Variants in SLC6A11 observed in about 807,000 individuals in gnomAD.
The protein encoded by SLC6A11 is solute carrier family 6 member 11, also known as sodium- and chloride-dependent GABA transporter 3.
SLC6A11 carries 25 observed loss-of-function variants against 74.8 expected under a neutral mutation model. The observed-to-expected ratio is 0.33, with a 90% CI of 0.24 to 0.47. The LOEUF (loss-of-function observed/expected upper bound fraction) is 0.47. SLC6A11 is among the 20% of genes least tolerant of loss of function. SLC6A11 has a pLI of 1.00. For missense variants in SLC6A11, 574 were observed against 837.0 expected, an observed-to-expected ratio of 0.69 and a Z score of 3.88; for synonymous variants, 330 against 330.2, an observed-to-expected ratio of 1.00 and a Z score of 0.01.
At chr3:10,894,811 A>G (rs1294644555) in intron 6 of SLC6A11, among the ~76,000 whole-genome samples, 3 of 152,252 alleles carry the variant, frequency 2.0e-5, no homozygotes, top group Admixed American at 2.0e-4. Context: ...CTTGCCACAA[A>G]AAAACCAAGG....
At chr3:10,872,115 G>C (rs147717993) in intron 5 of SLC6A11, among the ~76,000 whole-genome samples, 2,046 of 152,304 alleles carry the variant, frequency 0.013, 35 homozygotes, top group African/African-American at 0.047. Flanking sequence ...TGTCGTGAGG[G>C]TTGCAGATTG....
chr3:10,911,956 T>A (rs1695393445), intron 6 of SLC6A11, 134 bp from the exon 7 acceptor site: 2 of 693,608 alleles, frequency 2.9e-6, no homozygotes, highest in Admixed American at 4.2e-5. Flanking sequence ...CCTGGGTAGG[T>A]TAGGAAGTTT....
intron 5 of SLC6A11, among the ~76,000 whole-genome samples, chr3:10,857,782 G>T (rs190617992): frequency 6.6e-6 from 1 of 152,124 alleles, no homozygotes; most frequent in Non-Finnish European, 1.5e-5. Flanking sequence ...ACCCTGAAAC[G>T]CAACTCATAA....
intron 5 of SLC6A11, among the ~76,000 whole-genome samples, chr3:10,872,074 A>C (rs1694834475): frequency 1.3e-5 from 2 of 152,162 alleles, no homozygotes; most frequent in Non-Finnish European, 2.9e-5. Context: ...CTCATCTCTA[A>C]AATGGAAAAA....
chr3:10,857,923 C>T (rs946686505), intron 5 of SLC6A11, among the ~76,000 whole-genome samples: 2 of 152,142 alleles, frequency 1.3e-5, no homozygotes, highest in Non-Finnish European at 2.9e-5. Context: ...CTCGAGCACA[C>T]AAGAAAACAT....
At chr3:10,874,409 G>A (rs1294005868) in intron 5 of SLC6A11, among the ~76,000 whole-genome samples, 4 of 152,186 alleles carry the variant, frequency 2.6e-5, no homozygotes, top group African/African-American at 9.7e-5. Context: ...GACAGGCCGT[G>A]TTAGGGGTTA....
chr3:10,875,820 C>T (rs543694159), intron 6 of SLC6A11, among the ~76,000 whole-genome samples: 1 of 152,300 alleles, frequency 6.6e-6, no homozygotes, highest in Admixed American at 6.5e-5. Flanking sequence ...TGGTGGTTCT[C>T]AACCTCAGCT....
chr3:10,904,505 A>C (rs1695278993), intron 6 of SLC6A11, among the ~76,000 whole-genome samples: 1 of 152,126 alleles, frequency 6.6e-6, no homozygotes, highest in Admixed American at 6.5e-5. Flanking sequence ...GAACATGGGG[A>C]GTGATCCCTT....
chr3:10,823,967 C>T (rs1018987028), intron 4 of SLC6A11: 3 of 153,256 alleles, frequency 2.0e-5, no homozygotes, highest in African/African-American at 7.2e-5. Flanking sequence ...GGTTGCCAAT[C>T]ATTGTTGGGG....
At chr3:10,917,285 G>A (rs146138056) in intron 7 of SLC6A11, among the ~76,000 whole-genome samples, 127 of 152,286 alleles carry the variant, frequency 8.3e-4, no homozygotes, top group African/African-American at 2.9e-3. Context: ...TTCTTAGCAC[G>A]CTAAGCAGTA....
intron 5 of SLC6A11, among the ~76,000 whole-genome samples, chr3:10,873,230 G>T (rs527437894): frequency 1.9e-4 from 29 of 152,226 alleles, no homozygotes; most frequent in African/African-American, 7.0e-4. Context: ...TCCAGAATCT[G>T]CTAGCTAAAA....
chr3:10,937,782 C>G (rs185375491), intron 13 of SLC6A11, among the ~76,000 whole-genome samples: 2 of 152,296 alleles, frequency 1.3e-5, no homozygotes, highest in East Asian at 3.9e-4. Flanking sequence ...CACACTACAC[C>G]TTCCCCGACA....
At chr3:10,931,437 G>A (rs1168104122) in intron 10 of SLC6A11, among the ~76,000 whole-genome samples, 3 of 152,124 alleles carry the variant, frequency 2.0e-5, no homozygotes, top group African/African-American at 7.2e-5. Flanking sequence ...TACAAGCCCC[G>A]TACTCCACAG....
chr3:10,824,592 T>C (rs957314406), intron 4 of SLC6A11: 1 of 152,190 alleles, frequency 6.6e-6, no homozygotes, highest in African/African-American at 2.4e-5. Context: ...ATTATTTACA[T>C]TTTTTATAAC....
Position 10,935,490 on chromosome 3 carries a change from T to C in SLC6A11, c.1746+291T>C, listed in dbSNP as rs371458906. On this transcript the variant is annotated intron_variant, in intron 13 of 13. Transcript: ENST00000254488. ...GCTGTGAGAACTCAGTGAGTTCATA[T>C]AGGAAAAGCCCTGGGACCCAGACCT... The C allele has an allele frequency of 7.5e-4, 265 of 351,208 alleles. 6 individuals are homozygous for C. In the South Asian group the frequency reaches 0.01, roughly 14 times the overall value. The allele number at this position is 351,208 out of a possible 1,614,324, so 21.8% of individuals were successfully genotyped here. A position where few individuals can be genotyped will look rare whatever the true frequency, so the allele number is the denominator to read the frequency against.
chr3:10,932,744 C>T (rs912461095), intron 10 of SLC6A11, among the ~76,000 whole-genome samples: 2 of 152,124 alleles, frequency 1.3e-5, no homozygotes, highest in South Asian at 4.1e-4. Flanking sequence ...TGGATTTGCA[C>T]GTTTCAGAGG....
At chr3:10,907,007 T>C (rs1465973107) in intron 6 of SLC6A11, among the ~76,000 whole-genome samples, 1 of 152,126 alleles carries the variant, frequency 6.6e-6, no homozygotes, top group Non-Finnish European at 1.5e-5. Context: ...TGATCAAAAC[T>C]TATGCAAAGC....
chr3:10,832,538 G>A (rs143308677), intron 4 of SLC6A11, among the ~76,000 whole-genome samples: 1 of 152,280 alleles, frequency 6.6e-6, no homozygotes, highest in East Asian at 1.9e-4. Flanking sequence ...ATTGTTGTAA[G>A]CAATGAAAAC....
intron 5 of SLC6A11, among the ~76,000 whole-genome samples, chr3:10,854,593 G>C (rs184176525): frequency 0.011 from 1,742 of 152,250 alleles, 18 homozygotes; most frequent in Middle Eastern, 0.02. Flanking sequence ...CAGCCTTCCA[G>C]GGTCTCATGC....
Sources: allele counts gnomAD v4.1 joint callset (sites outside exome capture counted in the v4.1 genomes callset), GRCh38; gene constraint gnomAD v4.1.1; transcripts MANE v1.5; gene names NCBI Gene and HGNC (gene_info 2026-07-23, HGNC 2026-07-21).